Variants in MAPKBP1 observed in about 807,000 individuals in gnomAD.
The protein encoded by MAPKBP1 is mitogen-activated protein kinase binding protein 1.
In MAPKBP1, 71 loss-of-function variants were observed where a neutral mutation model predicts 170.5. That is an observed-to-expected ratio of 0.42 (90% CI 0.34 to 0.51). The LOEUF (loss-of-function observed/expected upper bound fraction) is 0.51, where lower values mean the gene tolerates loss of function less well. Among genes scored for constraint, MAPKBP1 ranks in the 20% least tolerant of loss-of-function variants. The pLI is 0.06. For missense variants in MAPKBP1, 1,598 were observed against 1,933.0 expected (o/e 0.83, Z 3.25); for synonymous variants, 719 against 757.9 (o/e 0.95, Z 0.84).
intron 12 of MAPKBP1, 197 bp from the exon 13 acceptor site, chr15:41,816,362 T>A (rs968525199): frequency 1.7e-4 from 94 of 563,142 alleles, no homozygotes; most frequent in Non-Finnish European, 2.6e-4. Flanking sequence ...ATAATTGCAC[T>A]ATCGTTATGT....
At chr15:41,774,758 T>TTG (rs964293732) in intron 1 of MAPKBP1, 148 bp downstream of exon 1, 8 of 398,954 alleles carry the variant, frequency 2.0e-5, no homozygotes, top group African/African-American at 1.7e-4. Context: ...GCAGAACGAG[T>TTG]TGTGGGCTAC....
rs747794623 is a variant in MAPKBP1 at position 41,817,973 on chromosome 15, C to T, written c.1905-36C>T. 5.6e-6 allele frequency: 9 copies of T among 1,604,878 alleles called. No individual in the cohort carries two copies. Among genetic ancestry groups the T allele is most frequent in the East Asian group, 4.5e-5 (2 of 44,866 alleles). ...TCCCCCAGGCGTGTTCCACCTTCAC[C>T]GCCTCCTCATGAGAAAGAGACTATG... On this transcript the variant is annotated intron_variant, in intron 16 of 30. Transcript: ENST00000457542. This position sits in a 1 kb window ranked among gnomAD's most constrained non-coding sequence, Gnocchi z 4.2.
chr15:41,824,083 T>C, intron 29 of MAPKBP1, 22 bp downstream of exon 29: 5 of 1,575,780 alleles, frequency 3.2e-6, no homozygotes, highest in Non-Finnish European at 4.3e-6. Flanking sequence ...TCCCCAGCTC[T>C]CATCTCCTGC....
In MAPKBP1 at chr15:41,782,486, A is replaced by G. The variant is rs186145222; in HGVS notation, c.114+7097A>G. Among the ~76,000 whole-genome samples the G allele has an allele frequency of 1.4e-4, 22 of 152,274 alleles. No individual in the cohort carries two copies. The East Asian group carries it at 3.9e-3, about 27-fold the overall frequency. ...CTGTGCTAAGCATTTTACATATACT[A>G]TCTTATTCAAGTTTTACAGAAGTCT... On this transcript the variant is annotated intron_variant, in intron 2 of 30. Transcript: ENST00000457542.
chr15:41,824,235 A>C (rs1053083844), intron 29 of MAPKBP1, among the ~76,000 whole-genome samples, 174 bp downstream of exon 29: 1 of 152,136 alleles, frequency 6.6e-6, no homozygotes, highest in African/African-American at 2.4e-5. Flanking sequence ...CCTCCTGCTA[A>C]CCTTCATGAT....
At chr15:41,792,543 A>G (rs2064412509) in intron 2 of MAPKBP1, among the ~76,000 whole-genome samples, 1 of 152,182 alleles carries the variant, frequency 6.6e-6, no homozygotes, top group Non-Finnish European at 1.5e-5. Context: ...CTCACTGTAG[A>G]GAACCAAGTG....
At chr15:41,794,423 A>G (rs554375979) in intron 2 of MAPKBP1, among the ~76,000 whole-genome samples, 206 of 152,280 alleles carry the variant, frequency 1.4e-3, no homozygotes, top group African/African-American at 4.6e-3. Context: ...TCTCTTTTTA[A>G]TATTTGCTAT....
At chr15:41,812,742 T>TC in intron 7 of MAPKBP1, 89 bp downstream of exon 7, 1 of 1,493,728 alleles carries the variant, frequency 6.7e-7, no homozygotes, top group Non-Finnish European at 9.0e-7. Context: ...CTTGGGCCTC[T>TC]CTCTGCATTC....
Position 41,784,797 on chromosome 15 carries a change from A to T in MAPKBP1, c.114+9408A>T, listed in dbSNP as rs537901899. Among the ~76,000 whole-genome samples the T allele has an allele frequency of 4.6e-5, 7 of 151,030 alleles. No individual in the cohort carries two copies. In the South Asian group the frequency reaches 1.5e-3, roughly 32 times the overall value. ...CTCCGTCTCAAAAAAAAAAAAAAAA[A>T]AAAAATTAGCTGGGACTTTGGGAGA... On this transcript the variant is annotated intron_variant, in intron 2 of 30. Coordinates refer to ENST00000457542, the MANE Select transcript of MAPKBP1 (RefSeq NM_014994.3).
chr15:41,814,869 T>C, intron 10 of MAPKBP1, 130 bp downstream of exon 10: 4 of 1,175,444 alleles, frequency 3.4e-6, no homozygotes, highest in Non-Finnish European at 4.9e-6. Context: ...GTGACTTCCC[T>C]GGGATAGATC....
chr15:41,818,907 C>T lies in MAPKBP1; in HGVS notation c.2241C>T (p.Gly747=), dbSNP rs746839196. ...CCGAGTTGCGCCAGCGTCAGCGGGG[C>T]GGCAAGCAGCAAGGACCATCCTCTC... ...RLAELRQRQR[G]GKQQGPSSPQ... is the part of the protein sequence containing the mutation. The change falls in exon 20 of 31, where the codon GGC becomes GGT. Residue 747 remains glycine, a synonymous_variant. Coordinates refer to ENST00000457542, the MANE Select transcript of MAPKBP1 (RefSeq NM_014994.3). This position sits in a 1 kb window ranked among gnomAD's most constrained non-coding sequence, Gnocchi z 5.2. 7 of 1,614,112 alleles carry T rather than the reference C, an allele frequency of 4.3e-6. No individual in the cohort carries two copies. Among genetic ancestry groups the T allele is most frequent in the African/African-American group, 2.7e-5 (2 of 74,944 alleles).
At chr15:41,803,557 TA>T (rs1374685935) in intron 3 of MAPKBP1, among the ~76,000 whole-genome samples, 1 of 147,928 alleles carries the variant, frequency 6.8e-6, no homozygotes, top group African/African-American at 2.5e-5. Context: ...AAAGTAAAAA[TA>T]AAAAAAATTA....
rs780274687 is a variant in MAPKBP1, at chr15:41,817,509, A to G, written c.1782+51A>G. On this transcript the variant is annotated intron_variant, in intron 15 of 30. Transcript: ENST00000457542. The surrounding 1 kb of genome is among the most constrained non-coding windows in gnomAD (Gnocchi z 4.2). ...GGGGCGGGACAGGGCGGGGTCTGCC[A>G]TTCCCTGCCTAAGGTTACAAGAGGT... 9 of 1,613,674 alleles carry G rather than the reference A, an allele frequency of 5.6e-6. No individual in the cohort carries two copies. In the African/African-American group the frequency reaches 1.1e-4, roughly 19 times the overall value.
intron 3 of MAPKBP1, among the ~76,000 whole-genome samples, chr15:41,808,580 A>G (rs560629905): frequency 7.8e-4 from 117 of 150,490 alleles, no homozygotes; most frequent in Non-Finnish European, 1.3e-3. Context: ...GGTTCAAGCA[A>G]TTCTCCTGCC....
chr15:41,824,637 T>C, intron 30 of MAPKBP1, 68 bp downstream of exon 30: 1 of 1,413,088 alleles, frequency 7.1e-7, no homozygotes, highest in South Asian at 1.3e-5. Flanking sequence ...CGGATAACCA[T>C]GTCCAGAACA....
At chr15:41,786,882 G>A (rs895667255) in intron 2 of MAPKBP1, among the ~76,000 whole-genome samples, 3 of 146,432 alleles carry the variant, frequency 2.0e-5, no homozygotes, top group Non-Finnish European at 3.0e-5. Context: ...TGATTAGCTT[G>A]TTGAATTTGA....
intron 2 of MAPKBP1, among the ~76,000 whole-genome samples, chr15:41,784,708 C>T (rs919440849): frequency 2.1e-5 from 3 of 143,584 alleles, no homozygotes; most frequent in East Asian, 4.1e-4. Context: ...CTTGAATCCA[C>T]AAGGCAGAGG....
chr15:41,775,336 A>G lies in MAPKBP1; in HGVS notation c.61A>G (p.Ile21Val), dbSNP rs2064079012. ...RIKNLLRSPS[I>V]KLRRSKAGNR... is the part of the protein sequence containing the mutation. The stretch of plus-strand genomic sequence containing the variant: ...CAAGAATCTGTTGAGATCTCCATCC[A>G]TCAAACTGCGCAGGAGTAAGGCAGG... Residue 21 changes from isoleucine (I) to valine (V), a missense_variant, in exon 2 of 31, where the codon ATC becomes GTC. Ile to Val is a conservative substitution (Grantham distance 29, BLOSUM62 3). Coordinates refer to ENST00000457542, the MANE Select transcript of MAPKBP1 (RefSeq NM_014994.3). 3 of 1,614,192 alleles carry G rather than the reference A, an allele frequency of 1.9e-6. No individual in the cohort carries two copies. The highest frequency in any genetic ancestry group is 2.5e-6 in the Non-Finnish European group (3 of 1,180,038).
At chr15:41,793,223 C>A (rs1363200079) in intron 2 of MAPKBP1, among the ~76,000 whole-genome samples, 1 of 152,186 alleles carries the variant, frequency 6.6e-6, no homozygotes, top group Non-Finnish European at 1.5e-5. Context: ...TGCAGTCGCT[C>A]ACGCCTGTAA....
Sources: gnomAD v4.1 joint callset for allele counts (sites outside exome capture counted in the v4.1 genomes callset) on GRCh38, gnomAD v4.1.1 for gene constraint, Gnocchi (gnomAD v3.1) non-coding constraint, MANE v1.5 for transcripts, NCBI Gene and HGNC (gene_info 2026-07-23, HGNC 2026-07-21) for gene names.